Variants in MIR2052HG observed in about 807,000 individuals in gnomAD.
MIR2052HG encodes the protein MIR2052 host gene.
intron 1 of MIR2052HG, among the ~76,000 whole-genome samples, chr8:74,606,083 G>C (rs1230583119): frequency 6.6e-6 from 1 of 152,208 alleles, no homozygotes; most frequent in Non-Finnish European, 1.5e-5. Context: ...AGGCAAAAAA[G>C]TTAAAAGGAT....
intron 5 of MIR2052HG, chr8:74,757,570 C>A (rs1030725880): frequency 3.3e-5 from 5 of 152,128 alleles, no homozygotes; most frequent in African/African-American, 1.2e-4. Context: ...AATTTTGTGT[C>A]TTTTTTACAA....
intron 4 of MIR2052HG, among the ~76,000 whole-genome samples, chr8:74,737,209 T>C (rs2128755398): frequency 6.6e-6 from 1 of 152,332 alleles, no homozygotes; most frequent in Non-Finnish European, 1.5e-5. Context: ...GAGTGCGACC[T>C]CTGTAACCTC....
chr8:74,688,481 G>C (rs990647604), intron 2 of MIR2052HG, among the ~76,000 whole-genome samples: 1 of 149,012 alleles, frequency 6.7e-6, no homozygotes, highest in African/African-American at 2.4e-5. Context: ...GCTATACATG[G>C]ATATTAAAGA....
At chr8:74,745,956 C>T (rs1809881128) in intron 4 of MIR2052HG, among the ~76,000 whole-genome samples, 1 of 152,102 alleles carries the variant, frequency 6.6e-6, no homozygotes, top group African/African-American at 2.4e-5. Context: ...TTATTCTCAT[C>T]CTACAGATGA....
Position 74,677,403 on chromosome 8 carries a change from T to TA in MIR2052HG, n.217-24969dup, listed in dbSNP as rs959844356. Among the ~76,000 whole-genome samples the TA allele has an allele frequency of 2.6e-5, 4 of 151,994 alleles. No homozygotes were observed. In the East Asian group the frequency reaches 5.8e-4, roughly 22 times the overall value. On this transcript the variant is annotated intron_variant and non_coding_transcript_variant, in intron 2 of 6. Transcript: ENST00000523442. Reference sequence around the variant, plus strand: ...TGTTCTCAAACACATAAAGAATATCTAAAAAAATTAATTATGTATGTATTA... The same window carrying TA: ...TGTTCTCAAACACATAAAGAATATCTAAAAAAAATTAATTATGTATGTATTA...
chr8:74,728,228 C>T (rs1313319983), intron 4 of MIR2052HG, among the ~76,000 whole-genome samples: 1 of 152,188 alleles, frequency 6.6e-6, no homozygotes, highest in African/African-American at 2.4e-5. Flanking sequence ...TGAATTGAGG[C>T]AGTCAGTTAC....
At chr8:74,657,391 C>T (rs1211725027) in intron 2 of MIR2052HG, among the ~76,000 whole-genome samples, 1 of 152,188 alleles carries the variant, frequency 6.6e-6, no homozygotes, top group Non-Finnish European at 1.5e-5. Context: ...TCATTCCTCA[C>T]ACAGTAAAAG....
chr8:74,618,224 T>C (rs982495520), intron 2 of MIR2052HG, among the ~76,000 whole-genome samples: 2 of 152,242 alleles, frequency 1.3e-5, no homozygotes, highest in African/African-American at 4.8e-5. Context: ...TTGATCAAGA[T>C]TGAACCTGCT....
At chr8:74,602,227 T>C (rs1180026404) in intron 1 of MIR2052HG, among the ~76,000 whole-genome samples, 3 of 152,170 alleles carry the variant, frequency 2.0e-5, no homozygotes, top group Non-Finnish European at 2.9e-5. Context: ...AAAGTGACCT[T>C]TGATCATCCT....
intron 2 of MIR2052HG, among the ~76,000 whole-genome samples, chr8:74,619,320 C>G (rs2128732429): frequency 6.6e-6 from 1 of 152,216 alleles, no homozygotes; most frequent in South Asian, 2.1e-4. Flanking sequence ...AAGCAATCTA[C>G]AGCAAAAAGA....
At chr8:74,674,121 T>C (rs553969100) in intron 2 of MIR2052HG, among the ~76,000 whole-genome samples, 2 of 142,520 alleles carry the variant, frequency 1.4e-5, no homozygotes, top group East Asian at 3.9e-4. Flanking sequence ...TGTAGACCGG[T>C]TATACCAGAG....
intron 1 of MIR2052HG, among the ~76,000 whole-genome samples, chr8:74,603,008 A>G (rs765267193): frequency 6.5e-4 from 95 of 146,154 alleles, no homozygotes; most frequent in Non-Finnish European, 1.1e-3. Flanking sequence ...AAAATTCATG[A>G]GCCAAAACAA....
chr8:74,712,458 C>A (rs1332922027), intron 4 of MIR2052HG, among the ~76,000 whole-genome samples: 1 of 152,066 alleles, frequency 6.6e-6, no homozygotes, highest in East Asian at 1.9e-4. Context: ...TTTGGAATAT[C>A]TTATATTTAG....
rs184804374 is a variant in MIR2052HG at position 74,708,795 on chromosome 8, A to T, written n.371+5113A>T. Among the ~76,000 whole-genome samples, 45 of 133,996 alleles carry T rather than the reference A, an allele frequency of 3.4e-4. 1 individual carries two copies. Among genetic ancestry groups the T allele is most frequent in the African/African-American group, 8.7e-4 (33 of 37,876 alleles). The allele number at this position is 133,996 out of a possible 152,430, so 87.9% of individuals were successfully genotyped here. ...AAATTTTAAATTAGAATTTAAATTT[A>T]AAAAAAATTTAAATATTTTAAAATT... is the stretch of plus-strand genomic sequence containing the variant. On this transcript the variant is annotated intron_variant and non_coding_transcript_variant, in intron 4 of 6. Transcript: ENST00000523442.
At chr8:74,698,309 G>A (rs1040754309) in intron 2 of MIR2052HG, among the ~76,000 whole-genome samples, 2 of 152,170 alleles carry the variant, frequency 1.3e-5, no homozygotes, top group Admixed American at 1.3e-4. Flanking sequence ...GCCGCATGTA[G>A]GAGAATGAAA....
intron 2 of MIR2052HG, among the ~76,000 whole-genome samples, chr8:74,676,296 A>G (rs1809050723): frequency 6.6e-6 from 1 of 152,050 alleles, no homozygotes; most frequent in Admixed American, 6.6e-5. Flanking sequence ...ATAATGTCTG[A>G]TGTCTCAGAT....
intron 4 of MIR2052HG, among the ~76,000 whole-genome samples, chr8:74,715,369 A>G (rs1809509974): frequency 6.6e-6 from 1 of 152,240 alleles, no homozygotes; most frequent in Non-Finnish European, 1.5e-5. Flanking sequence ...GCCTGGATAT[A>G]CAGGCATAGA....
intron 1 of MIR2052HG, chr8:74,604,223 CT>C: frequency 2.2e-6 from 2 of 903,050 alleles, no homozygotes; most frequent in Non-Finnish European, 3.7e-6. Context: ...TTTAATCCAC[CT>C]TCAATCACAC....
chr8:74,744,052 G>C (rs1809857923), intron 4 of MIR2052HG, among the ~76,000 whole-genome samples: 1 of 152,144 alleles, frequency 6.6e-6, no homozygotes, highest in Non-Finnish European at 1.5e-5. Flanking sequence ...CAAGTGCATT[G>C]TTGTGTTAAT....
Sources: allele counts gnomAD v4.1 joint callset (sites outside exome capture counted in the v4.1 genomes callset), GRCh38; gene constraint gnomAD v4.1.1; transcripts MANE v1.5; gene names NCBI Gene and HGNC (gene_info 2026-07-23, HGNC 2026-07-21).